Variants in ARHGAP15 observed in about 807,000 individuals in gnomAD.
The protein encoded by ARHGAP15 is Rho GTPase activating protein 15.
In ARHGAP15, 51 loss-of-function variants were observed where a neutral mutation model predicts 63.7. That is an observed-to-expected ratio of 0.80 (90% CI 0.64 to 1.01). The LOEUF (loss-of-function observed/expected upper bound fraction) is 1.01. ARHGAP15 is among the 50% of genes least tolerant of loss of function. The probability of loss-of-function intolerance (pLI) is 0.00; values close to 1 mark genes in which losing one functional copy is unlikely to be tolerated. For synonymous variants in ARHGAP15, 191 were observed against 193.8 expected (o/e 0.99, Z 0.12); for missense variants, 560 against 564.6 (o/e 0.99, Z 0.08).
chr2:143,476,861 C>T (rs1397754276), intron 8 of ARHGAP15, among the ~76,000 whole-genome samples: 2 of 152,108 alleles, frequency 1.3e-5, no homozygotes, highest in South Asian at 2.1e-4. Flanking sequence ...GTGTTACATG[C>T]GATGAGCTTG....
At chr2:143,558,310 T>C (rs894461909) in intron 11 of ARHGAP15, among the ~76,000 whole-genome samples, 1 of 152,106 alleles carries the variant, frequency 6.6e-6, no homozygotes, top group African/African-American at 2.4e-5. Context: ...ATACACAAGC[T>C]TCCAGCCTGG....
intron 12 of ARHGAP15, among the ~76,000 whole-genome samples, chr2:143,664,652 A>C (rs1203966537): frequency 6.6e-6 from 1 of 152,098 alleles, no homozygotes; most frequent in African/African-American, 2.4e-5. Flanking sequence ...AAGGATCAAC[A>C]AAATTGATAG....
At chr2:143,765,004 A>G (rs1686897726) in intron 13 of ARHGAP15, among the ~76,000 whole-genome samples, 1 of 152,126 alleles carries the variant, frequency 6.6e-6, no homozygotes, top group African/African-American at 2.4e-5. Context: ...AATCTTATCA[A>G]TTTAGGCATT....
At chr2:143,748,032 A>G (rs1574923236) in intron 13 of ARHGAP15, among the ~76,000 whole-genome samples, 1 of 152,334 alleles carries the variant, frequency 6.6e-6, no homozygotes, top group South Asian at 2.1e-4. Context: ...AGGCAACGTG[A>G]GAGCAATTAA....
chr2:143,181,232 T>C (rs1247658028), intron 2 of ARHGAP15, among the ~76,000 whole-genome samples: 1 of 152,122 alleles, frequency 6.6e-6, no homozygotes, highest in Non-Finnish European at 1.5e-5. Context: ...CATCCAGGCT[T>C]TGTTGTTCCA....
At chr2:143,421,328 GT>G (rs1688908382) in intron 6 of ARHGAP15, among the ~76,000 whole-genome samples, 1 of 151,996 alleles carries the variant, frequency 6.6e-6, no homozygotes, top group Non-Finnish European at 1.5e-5. Context: ...TATGCTGGAA[GT>G]TTTTCCTAGG....
chr2:143,217,439 T>C (rs960373645), intron 4 of ARHGAP15, among the ~76,000 whole-genome samples: 1 of 152,240 alleles, frequency 6.6e-6, no homozygotes, highest in African/African-American at 2.4e-5. Flanking sequence ...TTGTGTCTTA[T>C]TCTGGGATAG....
At chr2:143,326,001 A>AT (rs1180692388) in intron 6 of ARHGAP15, among the ~76,000 whole-genome samples, 6 of 152,126 alleles carry the variant, frequency 3.9e-5, no homozygotes, top group Non-Finnish European at 7.4e-5. Flanking sequence ...GTGGTGGTAA[A>AT]TTATAGGGTC....
At chr2:143,487,518 AC>A (rs1403144554) in intron 9 of ARHGAP15, 23 bp downstream of exon 9, 1 of 1,601,638 alleles carries the variant, frequency 6.2e-7, no homozygotes, top group African/African-American at 1.3e-5. Flanking sequence ...TTATACTTGT[AC>A]TATAACTGTG....
chr2:143,548,968 G>A (rs1695446851), intron 10 of ARHGAP15, among the ~76,000 whole-genome samples: 1 of 151,846 alleles, frequency 6.6e-6, no homozygotes, highest in African/African-American at 2.4e-5. Flanking sequence ...AATGATAGTA[G>A]GAATTTCTAT....
chr2:143,148,165 A>G (rs1445120725), intron 1 of ARHGAP15, among the ~76,000 whole-genome samples: 2 of 152,010 alleles, frequency 1.3e-5, no homozygotes, highest in African/African-American at 4.8e-5. Context: ...CTCAGCCTGC[A>G]CTGCTCTTGA....
chr2:143,148,863 A>T (rs1689699588), intron 1 of ARHGAP15, among the ~76,000 whole-genome samples: 1 of 152,064 alleles, frequency 6.6e-6, no homozygotes, highest in South Asian at 2.1e-4. Flanking sequence ...GGGAGAAAAC[A>T]AAAGGAAAGT....
intron 6 of ARHGAP15, among the ~76,000 whole-genome samples, chr2:143,310,911 C>T (rs1469702405): frequency 6.6e-6 from 1 of 151,862 alleles, no homozygotes; most frequent in Non-Finnish European, 1.5e-5. Flanking sequence ...ATGGTAACAC[C>T]ATACTTCTTA....
In ARHGAP15 at chr2:143,138,071, A is replaced by G. The variant is rs143449400; in HGVS notation, c.-15+8605A>G. Among the ~76,000 whole-genome samples the G allele has an allele frequency of 7.1e-3, 1,086 of 152,258 alleles. 6 individuals carry two copies. Among genetic ancestry groups the G allele is most frequent in the Admixed American group, 0.013 (196 of 15,272 alleles). On this transcript the variant is annotated intron_variant, in intron 1 of 13. Transcript: ENST00000295095. Reference sequence around the variant, plus strand: ...GTTGTTACCAAAACTAGACAATATTAACTTATTCTCAAGATGTTTACAGTT... The same window carrying G: ...GTTGTTACCAAAACTAGACAATATTGACTTATTCTCAAGATGTTTACAGTT...
chr2:143,643,721 GAAAAGAAGA>G (rs1680727018), intron 12 of ARHGAP15, among the ~76,000 whole-genome samples: 1 of 151,112 alleles, frequency 6.6e-6, no homozygotes, highest in Non-Finnish European at 1.5e-5. Context: ...AGAAATGAAG[GAAAAGAAGA>G]AACTTTATGT....
intron 6 of ARHGAP15, among the ~76,000 whole-genome samples, chr2:143,379,483 A>ATGTG (rs1194698992): frequency 5.9e-5 from 3 of 50,964 alleles, no homozygotes; most frequent in African/African-American, 2.0e-4. Context: ...TTTTAGGCAT[A>ATGTG]TATATGTGTG....
intron 6 of ARHGAP15, among the ~76,000 whole-genome samples, chr2:143,309,153 G>A (rs984302842): frequency 1.1e-4 from 17 of 151,966 alleles, no homozygotes; most frequent in Admixed American, 8.5e-4. Flanking sequence ...AGCTAATGAG[G>A]CCTATTCTTG....
chr2:143,194,961 T>A (rs1449517185), intron 2 of ARHGAP15, among the ~76,000 whole-genome samples: 6 of 152,012 alleles, frequency 3.9e-5, no homozygotes, highest in African/African-American at 9.7e-5. Context: ...TATAGGAAAA[T>A]GTGGTTGAAG....
At chr2:143,339,694 G>A (rs896804826) in intron 6 of ARHGAP15, among the ~76,000 whole-genome samples, 1 of 152,096 alleles carries the variant, frequency 6.6e-6, no homozygotes, top group Non-Finnish European at 1.5e-5. Flanking sequence ...ATTCCATCTT[G>A]CTTCTCCACG....
Sources: gnomAD v4.1 joint callset for allele counts (sites outside exome capture counted in the v4.1 genomes callset) on GRCh38, gnomAD v4.1.1 for gene constraint, MANE v1.5 for transcripts, NCBI Gene and HGNC (gene_info 2026-07-23, HGNC 2026-07-21) for gene names.